PCCA: variants seen among roughly 807,000 people sequenced by gnomAD.
PCCA encodes the protein propionyl-CoA carboxylase subunit alpha, also known as propionyl-CoA carboxylase alpha chain, mitochondrial.
PCCA carries 74 observed loss-of-function variants against 101.3 expected under a neutral mutation model. The ratio of observed to expected loss-of-function variants is 0.73; its 90% CI spans 0.61 to 0.89. The LOEUF (loss-of-function observed/expected upper bound fraction) is 0.89, where lower values mean the gene tolerates loss of function less well. PCCA is among the 40% of genes least tolerant of loss of function. PCCA has a pLI of 0.00. For missense variants in PCCA, 891 were observed against 907.0 expected (o/e 0.98, Z 0.23); for synonymous variants, 294 against 313.6 (o/e 0.94, Z 0.66).
chr13:100,380,463 G>C (rs1487591035), intron 19 of PCCA, among the ~76,000 whole-genome samples: 1 of 152,206 alleles, frequency 6.6e-6, no homozygotes, highest in African/African-American at 2.4e-5. Flanking sequence ...CAAATACAGT[G>C]TAGTACTTGC....
intron 19 of PCCA, among the ~76,000 whole-genome samples, chr13:100,413,781 AAC>A (rs989164882): frequency 3.3e-4 from 51 of 152,344 alleles, no homozygotes; most frequent in African/African-American, 1.1e-3. Context: ...ACTGCATAGA[AAC>A]ACAGGATTCC....
At chr13:100,111,097 C>T (rs770593090) in intron 2 of PCCA, among the ~76,000 whole-genome samples, 9 of 151,604 alleles carry the variant, frequency 5.9e-5, no homozygotes, top group Non-Finnish European at 1.2e-4. Flanking sequence ...CTGCAGTCTC[C>T]GCCTCCCGGG....
At chr13:100,261,905 T>C (rs1392174040) in intron 9 of PCCA, among the ~76,000 whole-genome samples, 1 of 152,192 alleles carries the variant, frequency 6.6e-6, no homozygotes, top group Admixed American at 6.5e-5. Flanking sequence ...TCCTGTTGGA[T>C]GTTCAATCTC....
intron 21 of PCCA, among the ~76,000 whole-genome samples, chr13:100,458,378 ACACACACACG>A (rs2081920493): frequency 1.4e-5 from 2 of 147,882 alleles, no homozygotes; most frequent in Non-Finnish European, 3.0e-5. Flanking sequence ...ACACACACAC[ACACACACACG>A]CACATATACA....
At chr13:100,137,585 G>A (rs2152336516) in intron 4 of PCCA, among the ~76,000 whole-genome samples, 1 of 152,224 alleles carries the variant, frequency 6.6e-6, no homozygotes, top group South Asian at 2.1e-4. Context: ...ATTAGGTAAT[G>A]TTCTTCTCTA....
rs145811823 is a variant in PCCA at position 100,424,514 on chromosome 13, G to A, written c.1747-1119G>A. 4.1e-4 allele frequency among the ~76,000 whole-genome samples: 62 copies of A among 152,180 alleles called. No homozygotes were observed. In the East Asian group the frequency reaches 7.5e-3, roughly 19 times the overall value. On this transcript the variant is annotated intron_variant, in intron 19 of 23. Coordinates refer to ENST00000376285, the MANE Select transcript of PCCA (RefSeq NM_000282.4). The stretch of plus-strand genomic sequence containing the variant: ...AGCCATGCTGCGCTGTTGCTGCCAC[G>A]CCATATTCAGAATGCCACAAAACTG...
At chr13:100,353,616 A>G (rs1245692505) in intron 18 of PCCA, among the ~76,000 whole-genome samples, 6 of 152,184 alleles carry the variant, frequency 3.9e-5, no homozygotes, top group Admixed American at 2.0e-4. Flanking sequence ...GGCTGCACAT[A>G]AGCAGTGCTT....
At chr13:100,298,688 T>G (rs9557410) in intron 12 of PCCA, among the ~76,000 whole-genome samples, 1,396 of 17,388 alleles carry the variant, frequency 0.08, 303 homozygotes, top group African/African-American at 0.095. Context: ...CCTTCCTTCC[T>G]TCCTTCCTTC....
intron 4 of PCCA, among the ~76,000 whole-genome samples, chr13:100,151,368 G>A (rs777727204): frequency 3.7e-4 from 57 of 152,150 alleles, no homozygotes; most frequent in Non-Finnish European, 6.8e-4. Flanking sequence ...GAGGTAGGCG[G>A]ATCACCTGAG....
intron 20 of PCCA, among the ~76,000 whole-genome samples, chr13:100,431,871 A>C (rs1050485118): frequency 6.6e-6 from 1 of 150,378 alleles, no homozygotes; most frequent in South Asian, 2.1e-4. Flanking sequence ...ATCTCAAAAA[A>C]AATAATAATA....
intron 22 of PCCA, among the ~76,000 whole-genome samples, chr13:100,525,258 G>A (rs988820498): frequency 1.3e-5 from 2 of 152,182 alleles, no homozygotes; most frequent in East Asian, 3.9e-4. Flanking sequence ...CTCACAATCA[G>A]ACAGAAGGAC....
chr13:100,305,851 AT>A, intron 14 of PCCA: 1 of 434,552 alleles, frequency 2.3e-6, no homozygotes, highest in Non-Finnish European at 4.7e-6. Flanking sequence ...GTGCTGAATG[AT>A]TTTTGTTTAT....
intron 2 of PCCA, among the ~76,000 whole-genome samples, chr13:100,109,387 C>T (rs929717293): frequency 3.3e-5 from 5 of 152,180 alleles, no homozygotes; most frequent in Admixed American, 1.3e-4. Context: ...GCTGCCTGAA[C>T]AGAAATTAGA....
At chr13:100,216,880 G>A (rs1240785143) in intron 7 of PCCA, among the ~76,000 whole-genome samples, 2 of 151,988 alleles carry the variant, frequency 1.3e-5, no homozygotes, top group Non-Finnish European at 2.9e-5. Context: ...AGGCCGAGGT[G>A]GGCGGATCAC....
intron 16 of PCCA, among the ~76,000 whole-genome samples, chr13:100,319,097 A>AT (rs2067710206): frequency 6.6e-6 from 1 of 152,074 alleles, no homozygotes; most frequent in Middle Eastern, 3.2e-3. Context: ...GATGATGAGC[A>AT]TTTTTTCATT....
chr13:100,515,360 TG>T (rs2086755834), intron 21 of PCCA, 66 bp from the exon 22 acceptor site: 4 of 1,432,536 alleles, frequency 2.8e-6, no homozygotes, highest in Non-Finnish European at 2.9e-6. Context: ...TGATTTAGAA[TG>T]AATGCTACTT....
chr13:100,299,960 C>A (rs968551221), intron 12 of PCCA, among the ~76,000 whole-genome samples: 3 of 152,190 alleles, frequency 2.0e-5, no homozygotes, highest in African/African-American at 7.2e-5. Flanking sequence ...GTGATTTGCC[C>A]GTCTTGGCCT....
chr13:100,202,480 AT>A (rs2058585122), intron 6 of PCCA, among the ~76,000 whole-genome samples: 2 of 143,602 alleles, frequency 1.4e-5, no homozygotes, highest in Admixed American at 1.4e-4. Context: ...TAAGTTACCT[AT>A]TCCTGTTTTT....
intron 12 of PCCA, among the ~76,000 whole-genome samples, chr13:100,275,053 G>A (rs371366085): frequency 6.6e-6 from 1 of 151,294 alleles, no homozygotes; most frequent in East Asian, 2.0e-4. Context: ...TTGGGGGAGG[G>A]GGTGGGGGGG....
Sources: allele counts gnomAD v4.1 joint callset (sites outside exome capture counted in the v4.1 genomes callset), GRCh38; gene constraint gnomAD v4.1.1; transcripts MANE v1.5; gene names NCBI Gene and HGNC (gene_info 2026-07-23, HGNC 2026-07-21).